The following CAB39L variants were observed in gnomAD, a reference collection of about 807,000 sequenced individuals.
CAB39L encodes calcium-binding protein 39-like.
CAB39L carries 23 observed loss-of-function variants against 39.1 expected under a neutral mutation model. The observed-to-expected ratio is 0.59, with a 90% CI of 0.42 to 0.83. CAB39L has a LOEUF of 0.83. Among genes scored for constraint, CAB39L ranks in the 40% least tolerant of loss-of-function variants. CAB39L has a pLI of 0.00. For missense variants in CAB39L, 366 were observed against 391.9 expected (o/e 0.93, Z 0.56); for synonymous variants, 126 against 137.2 (o/e 0.92, Z 0.57).
chr13:49,311,467 T>C (rs1487343076), intron 10 of CAB39L, among the ~76,000 whole-genome samples: 1 of 152,230 alleles, frequency 6.6e-6, no homozygotes, highest in Admixed American at 6.5e-5. Context: ...TTCTACTTAG[T>C]AAACAAAAAG....
chr13:49,350,494 C>T (rs1955313933), intron 7 of CAB39L, among the ~76,000 whole-genome samples: 1 of 152,170 alleles, frequency 6.6e-6, no homozygotes, highest in African/African-American at 2.4e-5. Context: ...TCCTTTCCCA[C>T]GTAACTGTAT....
intron 9 of CAB39L, among the ~76,000 whole-genome samples, chr13:49,333,683 C>T (rs1031873153): frequency 6.6e-6 from 1 of 151,334 alleles, no homozygotes; most frequent in Non-Finnish European, 1.5e-5. Flanking sequence ...GCCATTCTCC[C>T]GCCTCAGCCT....
intron 3 of CAB39L, among the ~76,000 whole-genome samples, chr13:49,411,797 T>C (rs933759517): frequency 6.6e-6 from 1 of 152,140 alleles, no homozygotes; most frequent in Non-Finnish European, 1.5e-5. Flanking sequence ...ACCCATTCCT[T>C]ATCTATGAGG....
chr13:49,368,209 CTCTA>C (rs1331309376), intron 5 of CAB39L, among the ~76,000 whole-genome samples: 1 of 152,200 alleles, frequency 6.6e-6, no homozygotes, highest in East Asian at 1.9e-4. Context: ...CTCTGCAGAA[CTCTA>C]TCCAACTTTT....
chr13:49,386,748 G>C (rs1182844890), intron 3 of CAB39L, among the ~76,000 whole-genome samples: 1 of 151,270 alleles, frequency 6.6e-6, no homozygotes, highest in Non-Finnish European at 1.5e-5. Context: ...GAACTCTCCT[G>C]CCTCTCCCAG....
intron 5 of CAB39L, 77 bp from the exon 6 acceptor site, chr13:49,359,909 T>C (rs9535208): frequency 0.24 from 175,632 of 726,704 alleles, 24,042 homozygotes; most frequent in African/African-American, 0.31. Flanking sequence ...TATATACATA[T>C]ATATATACAC....
At chr13:49,335,397 A>C (rs1954820569) in intron 9 of CAB39L, among the ~76,000 whole-genome samples, 1 of 152,182 alleles carries the variant, frequency 6.6e-6, no homozygotes, top group Non-Finnish European at 1.5e-5. Context: ...AGAATTTCAC[A>C]ATTTTTCTGA....
chr13:49,343,698 G>A (rs1267603152), intron 8 of CAB39L, among the ~76,000 whole-genome samples: 1 of 151,840 alleles, frequency 6.6e-6, no homozygotes, highest in East Asian at 1.9e-4. Flanking sequence ...TTTTGGGAGG[G>A]GTAGGATTAG....
chr13:49,438,021 C>T (rs750167117), intron 1 of CAB39L, among the ~76,000 whole-genome samples: 18 of 151,884 alleles, frequency 1.2e-4, no homozygotes, highest in Non-Finnish European at 1.9e-4. Flanking sequence ...TTTTAAGAGA[C>T]AAGCTTTCGC....
intron 9 of CAB39L, 70 bp from the exon 10 acceptor site, chr13:49,332,160 T>C (rs1954720403): frequency 6.5e-7 from 1 of 1,542,340 alleles, no homozygotes. Flanking sequence ...TCACGTCTTC[T>C]CACTGAAAAA....
At chr13:49,343,286 C>T (rs575495353) in intron 8 of CAB39L, among the ~76,000 whole-genome samples, 1 of 152,316 alleles carries the variant, frequency 6.6e-6, no homozygotes, top group Non-Finnish European at 1.5e-5. Context: ...TGAGTGCTTA[C>T]TCTGGTACTG....
At chr13:49,440,579 CTAA>C (rs1263013521) in intron 1 of CAB39L, among the ~76,000 whole-genome samples, 3 of 151,742 alleles carry the variant, frequency 2.0e-5, no homozygotes, top group Admixed American at 6.6e-5. Flanking sequence ...TATGGCGATT[CTAA>C]TGATATTGAT....
intron 3 of CAB39L, among the ~76,000 whole-genome samples, chr13:49,423,603 G>T (rs865958950): frequency 1.2e-4 from 18 of 152,072 alleles, no homozygotes; most frequent in Admixed American, 7.2e-4. Flanking sequence ...AAATTAGTAG[G>T]AGAGAAAGGG....
At chr13:49,398,802 T>C (rs1314075050) in intron 3 of CAB39L, among the ~76,000 whole-genome samples, 3 of 152,122 alleles carry the variant, frequency 2.0e-5, no homozygotes, top group Admixed American at 1.3e-4. Flanking sequence ...CATTTCTTCA[T>C]ATGGGTCCTA....
intron 5 of CAB39L, among the ~76,000 whole-genome samples, chr13:49,375,108 T>G (rs1956019086): frequency 6.6e-6 from 1 of 152,212 alleles, no homozygotes; most frequent in African/African-American, 2.4e-5. Context: ...GAAAAAATAC[T>G]ACTACTTGAC....
At chr13:49,346,149 C>T (rs1371655569) in intron 7 of CAB39L, among the ~76,000 whole-genome samples, 3 of 77,152 alleles carry the variant, frequency 3.9e-5, no homozygotes, top group Non-Finnish European at 5.0e-5. Flanking sequence ...ATAAACAATG[C>T]ACACATTCCC....
intron 3 of CAB39L, among the ~76,000 whole-genome samples, chr13:49,406,984 C>T (rs1447477676): frequency 6.6e-6 from 1 of 152,088 alleles, no homozygotes; most frequent in Admixed American, 6.6e-5. Flanking sequence ...AATTATTTTA[C>T]GTGTTATAAA....
intron 5 of CAB39L, among the ~76,000 whole-genome samples, chr13:49,373,638 T>G (rs780325604): frequency 3.9e-5 from 6 of 152,246 alleles, no homozygotes; most frequent in Non-Finnish European, 8.8e-5. Context: ...CCCAATACCT[T>G]CTTTTGGTCC....
intron 9 of CAB39L, among the ~76,000 whole-genome samples, chr13:49,337,732 GCACACACACACACACACACA>G (rs57089737): frequency 5.5e-5 from 8 of 144,208 alleles, no homozygotes; most frequent in Non-Finnish European, 1.1e-4. Context: ...CTGCTCTGGC[GCACACACACACACACACACA>G]CACACACACA....
Sources: allele counts gnomAD v4.1 joint callset (sites outside exome capture counted in the v4.1 genomes callset), GRCh38; gene constraint gnomAD v4.1.1; transcripts MANE v1.5; gene names NCBI Gene and HGNC (gene_info 2026-07-23, HGNC 2026-07-21).